The following CYFIP1 variants were observed in gnomAD, a reference collection of about 807,000 sequenced individuals.
CYFIP1 encodes the protein cytoplasmic FMR1-interacting protein 1.
In CYFIP1, 58 loss-of-function variants were observed where a neutral mutation model predicts 163.5. The observed-to-expected ratio is 0.35, with a 90% CI of 0.29 to 0.44. The LOEUF (loss-of-function observed/expected upper bound fraction) is 0.44. CYFIP1 is among the 20% of genes least tolerant of loss of function. The pLI, the probability that CYFIP1 is intolerant of heterozygous loss-of-function variation, is 1.00. For missense variants in CYFIP1, 1,338 were observed against 1,653.8 expected, an observed-to-expected ratio of 0.81 and a Z score of 3.31; for synonymous variants, 663 against 660.7, an observed-to-expected ratio of 1.00 and a Z score of -0.05.
At chr15:22,944,458 G>T in intron 5 of CYFIP1, 100 bp downstream of exon 5, 1 of 768,394 alleles carries the variant, frequency 1.3e-6, no homozygotes. Context: ...TAATTTGCAG[G>T]CACTCTGTTC....
chr15:22,867,941 C>T lies in CYFIP1; in HGVS notation c.*2087G>A, dbSNP rs1327591315. ...CTAATGAACTCCATTCAGCTTTGAACCTATCCACTCATAACCATTGACTGG... is the reference window on the plus strand; with the variant it reads ...CTAATGAACTCCATTCAGCTTTGAATCTATCCACTCATAACCATTGACTGG... On this transcript the variant is annotated 3_prime_UTR_variant, in exon 31 of 31. Transcript: ENST00000617928. The T allele has an allele frequency of 6.6e-6, 1 of 152,214 alleles. No individual in the cohort carries two copies. The highest frequency in any genetic ancestry group is 1.5e-5 in the Non-Finnish European group (1 of 68,038). The allele number at this position is 152,214 out of a possible 1,614,324, so 9.4% of individuals were successfully genotyped here.
chr15:22,975,769 T>TA (rs1292406809), intron 1 of CYFIP1, among the ~76,000 whole-genome samples: 1 of 152,154 alleles, frequency 6.6e-6, no homozygotes, highest in Non-Finnish European at 1.5e-5. Flanking sequence ...CAAAAAAAGT[T>TA]ACACTCGGAT....
chr15:22,889,050 A>C (rs28465078), intron 23 of CYFIP1, among the ~76,000 whole-genome samples: 3,053 of 151,066 alleles, frequency 0.02, 116 homozygotes, highest in African/African-American at 0.071. Context: ...AAAAAAAAAA[A>C]CACACAAAAA....
chr15:22,977,365 T>G (rs1238513001), intron 1 of CYFIP1, among the ~76,000 whole-genome samples: 3 of 152,186 alleles, frequency 2.0e-5, no homozygotes, highest in African/African-American at 4.8e-5. Flanking sequence ...CTTTCCAATT[T>G]GTATGCCTTT....
At chr15:22,927,440 G>A (rs1225765922) in intron 12 of CYFIP1, among the ~76,000 whole-genome samples, 2 of 137,202 alleles carry the variant, frequency 1.5e-5, no homozygotes, top group East Asian at 2.1e-4. Context: ...CCGAGATCAC[G>A]CCATTGCACT....
rs58565266 is a variant in CYFIP1 at position 22,908,518 on chromosome 15, CTTTTTTTTTT to C, written c.2388+666_2388+675del. On this transcript the variant is annotated intron_variant, in intron 21 of 30. Transcript: ENST00000617928. Reference sequence around the variant, plus strand: ...CTCTTGGTCCCTAAAGAAGATATTTCTTTTTTTTTTTTTTTTTTTTTTTTTTTTTGAGACA... The same window carrying C: ...CTCTTGGTCCCTAAAGAAGATATTTCTTTTTTTTTTTTTTTTTTTGAGACA... Among the ~76,000 whole-genome samples, 95 of 75,486 alleles carry C rather than the reference CTTTTTTTTTT, an allele frequency of 1.3e-3. 1 individual carries two copies. The highest frequency in any genetic ancestry group is 5.4e-3 in the African/African-American group (90 of 16,766). The allele number at this position is 75,486 out of a possible 152,430, so 49.5% of individuals were successfully genotyped here.
At chr15:22,897,879 A>G (rs1169327337) in intron 22 of CYFIP1, among the ~76,000 whole-genome samples, 1 of 152,192 alleles carries the variant, frequency 6.6e-6, no homozygotes, top group Non-Finnish European at 1.5e-5. Flanking sequence ...TCCCTGGCAC[A>G]CGCACAGTTT....
In CYFIP1 at chr15:22,917,111, C is replaced by A; in HGVS notation, c.1675-481G>T. The A allele has an allele frequency of 1.4e-6, 2 of 1,455,710 alleles. No individual in the cohort carries two copies. Among genetic ancestry groups the A allele is most frequent in the Non-Finnish European group, 1.8e-6 (2 of 1,109,180 alleles). The allele number at this position is 1,455,710 out of a possible 1,614,324, so 90.2% of individuals were successfully genotyped here. ...ACACACCCCAGGCAGGGACACGGGA[C>A]GCACGCAGAGGGAGGCAGGGAGGGT... On this transcript the variant is annotated intron_variant, in intron 15 of 30. Transcript: ENST00000617928. This position sits in a 1 kb window ranked among gnomAD's most constrained non-coding sequence, Gnocchi z 4.2.
intron 4 of CYFIP1, 94 bp from the exon 5 acceptor site, chr15:22,944,753 G>A: frequency 1.3e-6 from 2 of 1,513,172 alleles, no homozygotes; most frequent in Non-Finnish European, 9.2e-7. Context: ...CCCTGCTGTG[G>A]GGTGAGAACT....
In CYFIP1 at chr15:22,879,952, C is replaced by T; in HGVS notation, c.3003G>A (p.Gly1001=). ...TGAGCAGGCAGAAGAGGATGGCGTT[C>T]CCCACCTCCCGCAGGTTCTGGAAGC... ...TVCFQNLREV[G]NAILFCLLIE... Residue 1001 remains glycine (G), a synonymous_variant, in exon 26 of 31, where the codon GGG becomes GGA. Coordinates refer to ENST00000617928, the MANE Select transcript of CYFIP1 (RefSeq NM_014608.6). The T allele has an allele frequency of 6.2e-7, 1 of 1,613,648 alleles. No homozygotes were observed. Among genetic ancestry groups the T allele is most frequent in the Non-Finnish European group, 8.5e-7 (1 of 1,179,976 alleles).
intron 23 of CYFIP1, among the ~76,000 whole-genome samples, chr15:22,889,208 A>G (rs954946336): frequency 1.7e-4 from 26 of 152,202 alleles, no homozygotes; most frequent in African/African-American, 6.0e-4. Context: ...TCAAATTCAC[A>G]TCATCAAATC....
chr15:22,883,565 C>G (rs2059834962), intron 23 of CYFIP1, among the ~76,000 whole-genome samples: 1 of 152,150 alleles, frequency 6.6e-6, no homozygotes, highest in African/African-American at 2.4e-5. Context: ...CACCTGTAAT[C>G]CCAGCCCTTT....
intron 1 of CYFIP1, among the ~76,000 whole-genome samples, chr15:22,957,241 G>A (rs1385703558): frequency 2.0e-5 from 3 of 151,694 alleles, no homozygotes; most frequent in Non-Finnish European, 2.9e-5. Context: ...GGTGGCTCAC[G>A]CCTGTAATCC....
At chr15:22,954,693 C>T (rs924204457) in intron 1 of CYFIP1, among the ~76,000 whole-genome samples, 1 of 152,172 alleles carries the variant, frequency 6.6e-6, no homozygotes, top group African/African-American at 2.4e-5. Flanking sequence ...AGTTCTCAAC[C>T]CTCATGTTTG....
rs1033163739 is a variant in CYFIP1, at chr15:22,932,275, C to A, written c.1058G>T (p.Arg353Leu). 1.2e-6 allele frequency: 2 copies of A among 1,613,036 alleles called. No homozygotes were observed. Among genetic ancestry groups the A allele is most frequent in the Admixed American group, 1.7e-5 (1 of 59,830 alleles). ...CGAAATGAAGCGCATGTGGTCCTCG[C>A]GGATCTGGATCATCTGCTCGCAGAT... ...YNICEQMIQI[R>L]EDHMRFISEL... is the part of the protein sequence containing the mutation. Residue 353 changes from arginine to leucine, a missense_variant, in exon 11 of 31, where the codon CGC becomes CTC. Arg to Leu is a moderately radical substitution (Grantham distance 102). Coordinates refer to ENST00000617928, the MANE Select transcript of CYFIP1 (RefSeq NM_014608.6).
intron 23 of CYFIP1, among the ~76,000 whole-genome samples, chr15:22,890,608 C>G (rs928675211): frequency 1.3e-5 from 2 of 152,188 alleles, no homozygotes; most frequent in Admixed American, 1.3e-4. Context: ...ACTCACAGTT[C>G]CACAGCCATT....
Position 22,917,619 on chromosome 15 carries a change from T to A in CYFIP1, c.1674+169A>T. 1.2e-6 allele frequency: 1 copy of A among 814,488 alleles called. No homozygotes were observed. Among genetic ancestry groups the A allele is most frequent in the Non-Finnish European group, 1.8e-6 (1 of 545,040 alleles). The allele number at this position is 814,488 out of a possible 1,614,324, so 50.5% of individuals were successfully genotyped here. On this transcript the variant is annotated intron_variant, in intron 15 of 30. Transcript: ENST00000617928. The surrounding 1 kb of genome is among the most constrained non-coding windows in gnomAD (Gnocchi z 4.2). ...AGGCACGTCTCCTCACGCTCCCAACTCACTTGGGTGGGAAACAGAGGAGCA... is the reference window on the plus strand; with the variant it reads ...AGGCACGTCTCCTCACGCTCCCAACACACTTGGGTGGGAAACAGAGGAGCA...
Position 22,921,369 on chromosome 15 carries a change from AAAATAAATAAAT to A in CYFIP1, c.1360-2523_1360-2512del, listed in dbSNP as rs111633687. ...GGTGACACAGCGAGACTCTGTCTCA[AAAATAAATAAAT>A]AAATAAATAAATAAATAAATAAATG... On this transcript the variant is annotated intron_variant, in intron 13 of 30. Transcript: ENST00000617928. Among the ~76,000 whole-genome samples the A allele has an allele frequency of 3.4e-3, 502 of 149,058 alleles. 12 individuals carry two copies. The East Asian group carries it at 0.065, about 19-fold the overall frequency.
At chr15:22,901,968 CCT>C (rs1158883853) in intron 22 of CYFIP1, among the ~76,000 whole-genome samples, 2 of 152,288 alleles carry the variant, frequency 1.3e-5, no homozygotes, top group African/African-American at 4.8e-5. Flanking sequence ...AGAAAATGCC[CCT>C]GTGACAAGCT....
Sources: gnomAD v4.1 joint callset for allele counts (sites outside exome capture counted in the v4.1 genomes callset) on GRCh38, gnomAD v4.1.1 for gene constraint, Gnocchi (gnomAD v3.1) non-coding constraint, MANE v1.5 for transcripts, NCBI Gene and HGNC (gene_info 2026-07-23, HGNC 2026-07-21) for gene names.